The following ZCCHC7 variants were observed in gnomAD, a reference collection of about 807,000 sequenced individuals.
ZCCHC7 encodes the protein zinc finger CCHC-type containing 7, also known as zinc finger CCHC domain-containing protein 7.
A neutral mutation model predicts 52.0 loss-of-function variants in ZCCHC7; 35 were observed. The ratio of observed to expected loss-of-function variants is 0.67; its 90% CI spans 0.51 to 0.89. The LOEUF is 0.89. ZCCHC7 is among the 40% of genes least tolerant of loss of function. ZCCHC7 has a pLI of 0.00. For missense variants in ZCCHC7, 574 were observed against 649.1 expected (o/e 0.88, Z 1.26); for synonymous variants, 217 against 221.5 (o/e 0.98, Z 0.18).
chr9:37,232,798 A>G (rs1260151411), intron 2 of ZCCHC7, among the ~76,000 whole-genome samples: 1 of 152,222 alleles, frequency 6.6e-6, no homozygotes, highest in East Asian at 1.9e-4. Flanking sequence ...TTCAAATTGC[A>G]AATCATTTCT....
At chr9:37,133,994 G>T (rs1405878690) in intron 2 of ZCCHC7, among the ~76,000 whole-genome samples, 1 of 152,038 alleles carries the variant, frequency 6.6e-6, no homozygotes, top group Non-Finnish European at 1.5e-5. Context: ...AAAGTGGTAG[G>T]ATTACAGGTG....
Position 37,222,329 on chromosome 9 carries a change from GTGT to G in ZCCHC7, c.611-79858_611-79856del, listed in dbSNP as rs1824863615. Among the ~76,000 whole-genome samples, 5 of 6,992 alleles carry G rather than the reference GTGT, an allele frequency of 7.2e-4. No individual in the cohort carries two copies. The East Asian group carries it at 0.015, about 22-fold the overall frequency. 4.6% of individuals were successfully genotyped at this position (6,992 alleles called of 152,430 possible). A position where few individuals can be genotyped will look rare whatever the true frequency, so the allele number is the denominator to read the frequency against. On this transcript the variant is annotated intron_variant, in intron 2 of 8. Coordinates refer to ENST00000336755, the MANE Select transcript of ZCCHC7 (RefSeq NM_032226.3). ...GGGATAAACAGACCAGAATAACAGA[GTGT>G]GTGTGTGTGTGTGTGTGTGTGTGTG...
At chr9:37,317,553 G>A (rs1268065388) in intron 5 of ZCCHC7, among the ~76,000 whole-genome samples, 1 of 152,070 alleles carries the variant, frequency 6.6e-6, no homozygotes, top group Non-Finnish European at 1.5e-5. Flanking sequence ...CTCAAAAAAA[G>A]ACAGAAAAAT....
At chr9:37,142,429 C>T (rs1843269407) in intron 2 of ZCCHC7, among the ~76,000 whole-genome samples, 1 of 151,592 alleles carries the variant, frequency 6.6e-6, no homozygotes. Flanking sequence ...GGATGTAGTG[C>T]TCTTAGAATA....
At chr9:37,150,480 C>T (rs1471569866) in intron 2 of ZCCHC7, among the ~76,000 whole-genome samples, 2 of 152,132 alleles carry the variant, frequency 1.3e-5, no homozygotes, top group Admixed American at 1.3e-4. Flanking sequence ...TCTATGGTGA[C>T]AGTGATTGCC....
intron 2 of ZCCHC7, among the ~76,000 whole-genome samples, chr9:37,281,250 A>C (rs1827945015): frequency 6.6e-6 from 1 of 152,190 alleles, no homozygotes; most frequent in Non-Finnish European, 1.5e-5. Context: ...TCCTGGGCTC[A>C]AGTGATCCTC....
At chr9:37,163,385 C>CA (rs1022187626) in intron 2 of ZCCHC7, among the ~76,000 whole-genome samples, 2,981 of 76,810 alleles carry the variant, frequency 0.039, 175 homozygotes, top group African/African-American at 0.11. Flanking sequence ...GACTCCATCT[C>CA]AAAAAAAAAA....
chr9:37,201,214 C>T lies in ZCCHC7; in HGVS notation c.610+74272C>T, dbSNP rs186510626. Among the ~76,000 whole-genome samples, 64 of 152,238 alleles carry T rather than the reference C, an allele frequency of 4.2e-4. 2 individuals carry two copies. In the East Asian group the frequency reaches 0.011, roughly 27 times the overall value. On this transcript the variant is annotated intron_variant, in intron 2 of 8. Transcript: ENST00000336755. ...ACAGCTTGTTAGTGATTGAAAAGGGCCAGTTCAATCCATTGTCTTTTTAAT... is the reference window on the plus strand; with the variant it reads ...ACAGCTTGTTAGTGATTGAAAAGGGTCAGTTCAATCCATTGTCTTTTTAAT...
chr9:37,224,638 GAGA>G (rs1194295495), intron 2 of ZCCHC7, among the ~76,000 whole-genome samples: 2 of 152,198 alleles, frequency 1.3e-5, no homozygotes, highest in African/African-American at 4.8e-5. Flanking sequence ...CAGACATACT[GAGA>G]TCTTGGGCAG....
chr9:37,350,160 C>T (rs1260584652), intron 7 of ZCCHC7, among the ~76,000 whole-genome samples: 1 of 136,986 alleles, frequency 7.3e-6, no homozygotes, highest in African/African-American at 2.8e-5. Flanking sequence ...CGGAGTTTCA[C>T]TCTTGTTGCC....
At chr9:37,186,772 A>G (rs752207246) in intron 2 of ZCCHC7, 29 of 536,474 alleles carry the variant, frequency 5.4e-5, no homozygotes, top group South Asian at 4.6e-4. Flanking sequence ...ATTCATTTCT[A>G]TGGTTAGGTT....
intron 2 of ZCCHC7, among the ~76,000 whole-genome samples, chr9:37,283,108 T>C (rs1304985970): frequency 5.3e-5 from 8 of 152,030 alleles, no homozygotes; most frequent in Admixed American, 5.2e-4. Context: ...CTCTTGATAT[T>C]ATATTGAGTT....
chr9:37,316,192 T>A (rs545113606), intron 5 of ZCCHC7, among the ~76,000 whole-genome samples: 1 of 152,142 alleles, frequency 6.6e-6, no homozygotes, highest in East Asian at 2.0e-4. Flanking sequence ...CCCAAGTACC[T>A]GGGACTACAG....
At chr9:37,221,639 A>C (rs1824816840) in intron 2 of ZCCHC7, among the ~76,000 whole-genome samples, 1 of 152,138 alleles carries the variant, frequency 6.6e-6, no homozygotes, top group Non-Finnish European at 1.5e-5. Context: ...GGTTTCTCTG[A>C]ATTGAGCATG....
At chr9:37,202,703 A>C (rs1823699405) in intron 2 of ZCCHC7, among the ~76,000 whole-genome samples, 1 of 152,060 alleles carries the variant, frequency 6.6e-6, no homozygotes, top group African/African-American at 2.4e-5. Flanking sequence ...GCTGATCTTG[A>C]ACTCCTGGAC....
chr9:37,227,824 A>T (rs1417827551), intron 2 of ZCCHC7, among the ~76,000 whole-genome samples: 1 of 151,478 alleles, frequency 6.6e-6, no homozygotes, highest in Admixed American at 6.6e-5. Context: ...CTTTTTTTTG[A>T]GACAGTCTTG....
chr9:37,277,668 C>T (rs1273447869), intron 2 of ZCCHC7, among the ~76,000 whole-genome samples: 3 of 151,990 alleles, frequency 2.0e-5, no homozygotes, highest in Non-Finnish European at 4.4e-5. Context: ...GATTAGAACT[C>T]GGAAATCCCA....
intron 2 of ZCCHC7, among the ~76,000 whole-genome samples, chr9:37,300,286 T>A (rs1828970365): frequency 6.6e-6 from 1 of 152,230 alleles, no homozygotes; most frequent in Non-Finnish European, 1.5e-5. Context: ...GTCTTATAGT[T>A]AACATAATTT....
intron 2 of ZCCHC7, among the ~76,000 whole-genome samples, chr9:37,199,666 GTCTT>G (rs1261607285): frequency 4.1e-5 from 5 of 122,754 alleles, no homozygotes; most frequent in East Asian, 2.1e-4. Context: ...CTGTCTGTCT[GTCTT>G]TCTCTCTGTC....
Sources: allele counts gnomAD v4.1 joint callset (sites outside exome capture counted in the v4.1 genomes callset), GRCh38; gene constraint gnomAD v4.1.1; transcripts MANE v1.5; gene names NCBI Gene and HGNC (gene_info 2026-07-23, HGNC 2026-07-21).